PACS2: variants seen among roughly 807,000 people sequenced by gnomAD.
The protein encoded by PACS2 is PACS1-like protein.
In PACS2, 36 loss-of-function variants were observed where a neutral mutation model predicts 113.0. The ratio of observed to expected loss-of-function variants is 0.32; its 90% CI spans 0.24 to 0.42. The LOEUF is 0.42. PACS2 is among the 10% of genes least tolerant of loss of function. The pLI is 1.00. For synonymous variants in PACS2, 589 were observed against 536.1 expected (o/e 1.10, Z -1.36); for missense variants, 1,015 against 1,239.5 (o/e 0.82, Z 2.72).
At chr14:105,359,541 C>T (rs587704899) in intron 4 of PACS2, among the ~76,000 whole-genome samples, 13 of 150,590 alleles carry the variant, frequency 8.6e-5, no homozygotes, top group Non-Finnish European at 1.2e-4. Flanking sequence ...CTCCTGACCT[C>T]AAGTGATCTG....
chr14:105,318,027 G>A (rs754900377), intron 1 of PACS2, among the ~76,000 whole-genome samples: 4 of 152,328 alleles, frequency 2.6e-5, no homozygotes, highest in Non-Finnish European at 2.9e-5. Flanking sequence ...TGTCCTCCTG[G>A]TGCCCATGTC....
At chr14:105,304,963 C>T (rs1251769138) in intron 1 of PACS2, among the ~76,000 whole-genome samples, 1 of 152,252 alleles carries the variant, frequency 6.6e-6, no homozygotes, top group Non-Finnish European at 1.5e-5. Context: ...TGGGTGGGTA[C>T]ACAGAGCCAA....
Position 105,330,351 on chromosome 14 carries a change from C to T in PACS2, c.119+15314C>T, listed in dbSNP as rs1387904780. ...AACGGGGACAGGAGCCTCCAAGAAG[C>T]CTGGGGTCCGTGTGTCCGTAGGAAC... On this transcript the variant is annotated intron_variant, in intron 1 of 24. Coordinates refer to ENST00000447393, the MANE Select transcript of PACS2 (RefSeq NM_001100913.3). The surrounding 1 kb of genome is among the most constrained non-coding windows in gnomAD (Gnocchi z 6.9). Among the ~76,000 whole-genome samples the T allele has an allele frequency of 2.0e-5, 3 of 151,552 alleles. No homozygotes were observed. The highest frequency in any genetic ancestry group is 7.3e-5 in the African/African-American group (3 of 41,154).
rs2060040912 is a variant in PACS2 at position 105,348,808 on chromosome 14, C to G, written c.207+228C>G. The G allele has an allele frequency of 2.0e-6, 1 of 512,584 alleles. No individual in the cohort carries two copies. The highest frequency in any genetic ancestry group is 2.1e-5 in the South Asian group (1 of 46,958). The allele number at this position is 512,584 out of a possible 1,614,324, so 31.8% of individuals were successfully genotyped here. On this transcript the variant is annotated intron_variant, in intron 2 of 24. Transcript: ENST00000447393. The surrounding 1 kb of genome is among the most constrained non-coding windows in gnomAD (Gnocchi z 6.4). ...CCTTCTGGGATGTGGAGGTCACATG[C>G]ATGGGGCCTTCCCAGGGCAGAGCTG...
At chr14:105,328,673 C>A (rs1300310442) in intron 1 of PACS2, among the ~76,000 whole-genome samples, 1 of 152,222 alleles carries the variant, frequency 6.6e-6, no homozygotes, top group Non-Finnish European at 1.5e-5. Context: ...TGGACTCCCA[C>A]ACTCAGCACC....
At chr14:105,318,652 T>TA (rs1555396561) in intron 1 of PACS2, among the ~76,000 whole-genome samples, 3 of 149,804 alleles carry the variant, frequency 2.0e-5, no homozygotes, top group Non-Finnish European at 4.4e-5. Flanking sequence ...TATTTATTTA[T>TA]TTTTATTTTA....
chr14:105,389,567 G>T (rs1268113448), intron 19 of PACS2: 10 of 255,666 alleles, frequency 3.9e-5, no homozygotes, highest in East Asian at 3.3e-4. Context: ...CAGAGCAGGG[G>T]TGCCCAGCTT....
At chr14:105,380,846 A>G (rs2080966026) in intron 11 of PACS2, 111 bp from the exon 12 acceptor site, 2 of 1,064,740 alleles carry the variant, frequency 1.9e-6, no homozygotes, top group African/African-American at 1.6e-5. Flanking sequence ...TGTAGGAGCC[A>G]CGGCCTAGAG....
At chr14:105,361,488 T>C (rs1008686771) in intron 4 of PACS2, among the ~76,000 whole-genome samples, 2 of 151,638 alleles carry the variant, frequency 1.3e-5, no homozygotes, top group East Asian at 3.9e-4. Context: ...AGTACAACAA[T>C]TAGCCAGGTG....
intron 1 of PACS2, among the ~76,000 whole-genome samples, chr14:105,318,436 ATGTC>A (rs1175149838): frequency 6.6e-6 from 1 of 152,018 alleles, no homozygotes; most frequent in Non-Finnish European, 1.5e-5. Context: ...GTACACCACC[ATGTC>A]TGTCTAATTT....
Position 105,380,087 on chromosome 14 carries a change from T to C in PACS2, c.1058T>C (p.Val353Ala). The stretch of plus-strand genomic sequence containing the variant: ...CCATCTCCTCCCCCACAGGCTGACG[T>C]GCCCGAGAAGACGCGGTCCCTGGGA... ...SHKEPPSPADVPEKTRSLGGR... is the reference protein window; with the variant it reads ...SHKEPPSPADAPEKTRSLGGR... The change falls in exon 11 of 25, where the codon GTG becomes GCG. Residue 353 changes from valine to alanine, a missense_variant. Around this residue, in one of 3 missense-constraint regions of PACS2, gnomAD observed 859 missense variants for 1,056.8 expected, o/e 0.81. Coordinates refer to ENST00000447393, the MANE Select transcript of PACS2 (RefSeq NM_001100913.3). 1 of 1,552,638 alleles carries C rather than the reference T, an allele frequency of 6.4e-7. No individual in the cohort carries two copies. The highest frequency in any genetic ancestry group is 8.7e-7 in the Non-Finnish European group (1 of 1,147,774).
chr14:105,383,482 C>T lies in PACS2; in HGVS notation c.1749C>T (p.Leu583=), dbSNP rs201692438. The T allele has an allele frequency of 1.7e-5, 27 of 1,602,908 alleles. No individual in the cohort carries two copies. Among genetic ancestry groups the T allele is most frequent in the Non-Finnish European group, 2.1e-5 (25 of 1,175,588 alleles). The part of the protein sequence containing the change: ...EQLSHKTPDW[L]GYMRFLVIPL... ...TGTCCCACAAGACACCCGACTGGCTCGGCTACATGCGCTTCCTGGTCATCC... is the reference window on the plus strand; with the variant it reads ...TGTCCCACAAGACACCCGACTGGCTTGGCTACATGCGCTTCCTGGTCATCC... The change falls in exon 16 of 25, where the codon CTC becomes CTT. Residue 583 remains leucine, a synonymous_variant. Coordinates refer to ENST00000447393, the MANE Select transcript of PACS2 (RefSeq NM_001100913.3).
rs2060228020 is a variant in PACS2, at chr14:105,352,604, C to G, written c.297+137C>G. ...GGTGATGGGCCCCCCTCATCAGTGTCCCCTGGGGAGACGGGCACGCCTCAT... is the reference window on the plus strand; with the variant it reads ...GGTGATGGGCCCCCCTCATCAGTGTGCCCTGGGGAGACGGGCACGCCTCAT... On this transcript the variant is annotated intron_variant, in intron 3 of 24. Coordinates refer to ENST00000447393, the MANE Select transcript of PACS2 (RefSeq NM_001100913.3). The G allele has an allele frequency of 1.0e-5, 6 of 572,022 alleles. No individual in the cohort carries two copies. The Admixed American group carries it at 1.5e-4, about 14-fold the overall frequency. The allele number at this position is 572,022 out of a possible 1,614,324, so 35.4% of individuals were successfully genotyped here.
intron 1 of PACS2, among the ~76,000 whole-genome samples, chr14:105,343,220 C>T (rs587644720): frequency 1.3e-5 from 2 of 152,192 alleles, no homozygotes; most frequent in Admixed American, 6.5e-5. Flanking sequence ...TATCACGTAT[C>T]GATCTGTTCC....
chr14:105,336,982 T>C (rs1336628758), intron 1 of PACS2, among the ~76,000 whole-genome samples: 2 of 152,248 alleles, frequency 1.3e-5, no homozygotes, highest in Admixed American at 1.3e-4. Context: ...GGACGCAGCC[T>C]GTATCCATCC....
At chr14:105,310,617 G>T (rs1006516261), upstream of PACS2, among the ~76,000 whole-genome samples, 2 of 151,628 alleles carry the variant, frequency 1.3e-5, no homozygotes, top group Non-Finnish European at 2.9e-5. Flanking sequence ...AGTTTGTTGC[G>T]TTGGGTGAGG....
intron 1 of PACS2, chr14:105,301,301 C>A (rs1368070719): frequency 6.8e-6 from 1 of 146,168 alleles, no homozygotes; most frequent in Non-Finnish European, 1.5e-5. Context: ...GAGGACTCAG[C>A]CGGATGCGGG....
intron 9 of PACS2, among the ~76,000 whole-genome samples, chr14:105,378,884 C>G (rs1480797569): frequency 6.6e-6 from 1 of 152,098 alleles, no homozygotes; most frequent in Non-Finnish European, 1.5e-5. Context: ...CATGGGTGGC[C>G]TGGATCAGCC....
chr14:105,387,879 T>G (rs1555413965), intron 19 of PACS2, among the ~76,000 whole-genome samples: 5 of 152,200 alleles, frequency 3.3e-5, no homozygotes, highest in Non-Finnish European at 7.3e-5. Context: ...CTTCTGTGCC[T>G]TCGCGTGCCT....
Sources: gnomAD v4.1 joint callset for allele counts (sites outside exome capture counted in the v4.1 genomes callset) on GRCh38, gnomAD v4.1.1 for gene constraint, gnomAD v4.1.1 regional missense constraint, Gnocchi (gnomAD v3.1) non-coding constraint, MANE v1.5 for transcripts, NCBI Gene and HGNC (gene_info 2026-07-23, HGNC 2026-07-21) for gene names.